Variants in CSMD3 observed in about 807,000 individuals in gnomAD.
The protein encoded by CSMD3 is CUB and sushi domain-containing protein 3.
In CSMD3, 177 loss-of-function variants were observed where a neutral mutation model predicts 435.2. The observed-to-expected ratio is 0.41, with a 90% CI of 0.36 to 0.46. The LOEUF (loss-of-function observed/expected upper bound fraction) is 0.46. Among genes scored for constraint, CSMD3 ranks in the 20% least tolerant of loss-of-function variants. The pLI, the probability that CSMD3 is intolerant of heterozygous loss-of-function variation, is 0.34. For synonymous variants in CSMD3, 1,656 were observed against 1,520.5 expected, an observed-to-expected ratio of 1.09 and a Z score of -2.07; for missense variants, 4,265 against 4,504.6, an observed-to-expected ratio of 0.95 and a Z score of 1.52.
At chr8:112,315,250 T>C (rs1822353968) in intron 47 of CSMD3, among the ~76,000 whole-genome samples, 1 of 151,868 alleles carries the variant, frequency 6.6e-6, no homozygotes, top group Non-Finnish European at 1.5e-5. Flanking sequence ...ATATAATATA[T>C]GTATATATAT....
intron 13 of CSMD3, among the ~76,000 whole-genome samples, chr8:112,761,969 T>A (rs1054628840): frequency 6.6e-6 from 1 of 152,066 alleles, no homozygotes; most frequent in Non-Finnish European, 1.5e-5. Context: ...AGTATATTTA[T>A]AAGATTTTCA....
intron 27 of CSMD3, among the ~76,000 whole-genome samples, chr8:112,536,793 G>T (rs1826138478): frequency 6.6e-6 from 1 of 151,394 alleles, no homozygotes; most frequent in Non-Finnish European, 1.5e-5. Flanking sequence ...TGATAGACTG[G>T]ATTAAGAAAA....
At chr8:112,950,392 T>G (rs1480294772) in intron 8 of CSMD3, among the ~76,000 whole-genome samples, 1 of 151,948 alleles carries the variant, frequency 6.6e-6, no homozygotes, top group African/African-American at 2.4e-5. Context: ...TAACTACTTT[T>G]TTGTATTATG....
chr8:113,245,858 T>G (rs1000492661), intron 3 of CSMD3, among the ~76,000 whole-genome samples: 1 of 152,134 alleles, frequency 6.6e-6, no homozygotes, highest in South Asian at 2.1e-4. Context: ...TGGAAATGTA[T>G]TAATTTATTC....
At chr8:113,297,088 T>C (rs1438365391) in intron 2 of CSMD3, among the ~76,000 whole-genome samples, 3 of 152,132 alleles carry the variant, frequency 2.0e-5, no homozygotes, top group Non-Finnish European at 4.4e-5. Flanking sequence ...AAGCAAAACA[T>C]TTTGTTAAAA....
chr8:113,398,625 T>G (rs1484962953), intron 1 of CSMD3, among the ~76,000 whole-genome samples: 5 of 152,142 alleles, frequency 3.3e-5, no homozygotes, highest in African/African-American at 1.2e-4. Flanking sequence ...ATCTAGGACA[T>G]CATGTACTGC....
intron 3 of CSMD3, among the ~76,000 whole-genome samples, chr8:113,184,857 T>C (rs2131949576): frequency 6.6e-6 from 1 of 152,250 alleles, no homozygotes; most frequent in East Asian, 1.9e-4. Context: ...TTCAAGGTGT[T>C]AACTAATATT....
chr8:112,967,991 G>A (rs1319640309), intron 7 of CSMD3, among the ~76,000 whole-genome samples: 1 of 151,884 alleles, frequency 6.6e-6, no homozygotes, highest in Admixed American at 6.6e-5. Context: ...GAATAGCACT[G>A]TCATCTGTTG....
chr8:113,032,974 C>A (rs369896341), intron 5 of CSMD3, among the ~76,000 whole-genome samples: 4 of 151,664 alleles, frequency 2.6e-5, no homozygotes, highest in African/African-American at 9.6e-5. Flanking sequence ...GGTCCAAGCC[C>A]TAATCCTTGG....
At chr8:112,248,333 T>C (rs1814950303) in intron 63 of CSMD3, among the ~76,000 whole-genome samples, 2 of 152,062 alleles carry the variant, frequency 1.3e-5, no homozygotes, top group Non-Finnish European at 2.9e-5. Context: ...TGGCAGGATA[T>C]GGTATTTAGA....
At chr8:112,989,350 C>T (rs1477290392) in intron 6 of CSMD3, among the ~76,000 whole-genome samples, 3 of 151,944 alleles carry the variant, frequency 2.0e-5, no homozygotes, top group Non-Finnish European at 4.4e-5. Context: ...CTTTATTTCT[C>T]TATACTATGT....
chr8:112,881,720 T>C (rs2081452707), intron 10 of CSMD3, among the ~76,000 whole-genome samples: 1 of 151,878 alleles, frequency 6.6e-6, no homozygotes, highest in Admixed American at 6.6e-5. Flanking sequence ...TTTTCCTGCT[T>C]AACAACAAGT....
chr8:112,379,622 T>C (rs1586928312), intron 38 of CSMD3, among the ~76,000 whole-genome samples: 1 of 152,260 alleles, frequency 6.6e-6, no homozygotes, highest in East Asian at 1.9e-4. Context: ...CAGATTCAAC[T>C]AGATGCTTAT....
chr8:112,950,503 T>A (rs2083769572), intron 8 of CSMD3, among the ~76,000 whole-genome samples: 1 of 152,040 alleles, frequency 6.6e-6, no homozygotes, highest in South Asian at 2.1e-4. Context: ...TCACTGTCAT[T>A]TTGTGTTAAA....
intron 45 of CSMD3, among the ~76,000 whole-genome samples, chr8:112,330,873 CTGT>C (rs1430822703): frequency 6.6e-6 from 1 of 151,860 alleles, no homozygotes; most frequent in African/African-American, 2.4e-5. Context: ...TGAATTTTAG[CTGT>C]TGTTATTGTT....
At chr8:112,417,075 A>C (rs1242861317) in intron 32 of CSMD3, among the ~76,000 whole-genome samples, 2 of 152,180 alleles carry the variant, frequency 1.3e-5, no homozygotes, top group Non-Finnish European at 2.9e-5. Context: ...AAGCTTGCCA[A>C]ATGACAAGCC....
chr8:112,972,477 G>T (rs1023433618), intron 7 of CSMD3, among the ~76,000 whole-genome samples: 6 of 151,364 alleles, frequency 4.0e-5, no homozygotes, highest in Non-Finnish European at 7.4e-5. Flanking sequence ...TAAAAGCAAG[G>T]CCTTTATATC....
intron 11 of CSMD3, among the ~76,000 whole-genome samples, chr8:112,834,053 T>C (rs1203314237): frequency 6.6e-6 from 1 of 151,994 alleles, no homozygotes; most frequent in African/African-American, 2.4e-5. Flanking sequence ...TATGATCATA[T>C]CCTAAAGACT....
intron 22 of CSMD3, among the ~76,000 whole-genome samples, chr8:112,631,852 A>T (rs574423493): frequency 2.0e-5 from 3 of 152,002 alleles, no homozygotes; most frequent in Non-Finnish European, 4.4e-5. Context: ...TTTCCAGAAA[A>T]GAAAAATATA....
Sources: allele counts gnomAD v4.1 joint callset (sites outside exome capture counted in the v4.1 genomes callset), GRCh38; gene constraint gnomAD v4.1.1; transcripts MANE v1.5; gene names NCBI Gene and HGNC (gene_info 2026-07-23, HGNC 2026-07-21).